Variants in EAPP observed in about 807,000 individuals in gnomAD.
EAPP encodes the protein E2F associated phosphoprotein, also known as E2F-associated phosphoprotein.
Under a neutral mutation model 34.3 loss-of-function variants are expected in EAPP, and 38 were observed. The ratio of observed to expected loss-of-function variants is 1.11; its 90% confidence interval spans 0.85 to 1.45. The LOEUF (loss-of-function observed/expected upper bound fraction) is 1.45. Ranked by LOEUF, EAPP falls within the 40% of genes most tolerant of loss-of-function variation. The pLI is 0.00. For synonymous variants in EAPP, 113 were observed against 117.6 expected, an observed-to-expected ratio of 0.96 and a Z score of 0.25; for missense variants, 338 against 343.7, an observed-to-expected ratio of 0.98 and a Z score of 0.13.
chr14:34,525,839 G>A (rs922888172), intron 4 of EAPP, among the ~76,000 whole-genome samples: 20 of 151,752 alleles, frequency 1.3e-4, no homozygotes, highest in Non-Finnish European at 2.8e-4. Context: ...CCAACATGGT[G>A]AAACCCCATC....
chr14:34,520,905 T>C (rs1879896158), intron 5 of EAPP, among the ~76,000 whole-genome samples: 1 of 152,116 alleles, frequency 6.6e-6, no homozygotes, highest in Non-Finnish European at 1.5e-5. Flanking sequence ...ATTTGCTTCA[T>C]TTATCTTGCT....
intron 5 of EAPP, among the ~76,000 whole-genome samples, chr14:34,522,257 T>A (rs775419443): frequency 6.7e-6 from 1 of 148,808 alleles, no homozygotes; most frequent in Non-Finnish European, 1.5e-5. Flanking sequence ...ACTGTGCCCA[T>A]AATTTTTTTA....
At chr14:34,536,869 G>A (rs995897726) in intron 1 of EAPP, among the ~76,000 whole-genome samples, 5 of 151,586 alleles carry the variant, frequency 3.3e-5, no homozygotes, top group African/African-American at 9.7e-5. Context: ...TTCAGAATCC[G>A]TCTCAAAAAA....
At position 34,532,221 on chromosome 14, in the gene EAPP, G is replaced by A. The variant is rs550166292; in HGVS notation, c.352+1223C>T. Among the ~76,000 whole-genome samples the A allele has an allele frequency of 1.1e-3, 173 of 151,956 alleles. 1 individual carries two copies. The highest frequency in any genetic ancestry group is 4.0e-3 in the African/African-American group (166 of 41,464). ...ACCAGTAATCCCGGCACTTTGGGAG[G>A]CTGAGGCGGGTGGATCACCTGAGGT... On this transcript the variant is annotated intron_variant, in intron 3 of 5. Coordinates refer to ENST00000250454, the MANE Select transcript of EAPP (RefSeq NM_018453.4).
In EAPP at chr14:34,518,325, ATTTTT is replaced by A. The variant is rs71404852; in HGVS notation, c.582-1744_582-1740del. On this transcript the variant is annotated intron_variant, in intron 5 of 5. Transcript: ENST00000250454. Reference sequence around the variant, plus strand: ...TACTGTATTGTATCTCTCCCTTTAGATTTTTTTTTTTTTTTTTTTTTTTTTTTGAG... The same window carrying A: ...TACTGTATTGTATCTCTCCCTTTAGATTTTTTTTTTTTTTTTTTTTTTGAG... 4.9e-3 allele frequency among the ~76,000 whole-genome samples: 364 copies of A among 74,046 alleles called. 1 individual carries two copies. The highest frequency in any genetic ancestry group is 5.9e-3 in the Non-Finnish European group (266 of 45,328). 48.6% of individuals were successfully genotyped at this position (74,046 alleles called of 152,430 possible).
In EAPP at chr14:34,521,703, C is replaced by T. The variant is rs373315931; in HGVS notation, c.581+2994G>A. ...AGGCTGGAATGCAGTGGCATGATCTCGGCTCACTGCAACCTCTGCCTCCTG... is the reference window on the plus strand; with the variant it reads ...AGGCTGGAATGCAGTGGCATGATCTTGGCTCACTGCAACCTCTGCCTCCTG... On this transcript the variant is annotated intron_variant, in intron 5 of 5. Coordinates refer to ENST00000250454, the MANE Select transcript of EAPP (RefSeq NM_018453.4). Among the ~76,000 whole-genome samples, 44 of 147,190 alleles carry T rather than the reference C, an allele frequency of 3.0e-4. No homozygotes were observed. In the Middle Eastern group the frequency reaches 0.011, roughly 37 times the overall value.
At chr14:34,519,670 C>T (rs1224561157) in intron 5 of EAPP, among the ~76,000 whole-genome samples, 1 of 152,050 alleles carries the variant, frequency 6.6e-6, no homozygotes, top group Non-Finnish European at 1.5e-5. Flanking sequence ...CAAGAGCAGA[C>T]TAATACAACT....
chr14:34,538,729 G>C (rs1419432716), intron 1 of EAPP, among the ~76,000 whole-genome samples: 14 of 152,192 alleles, frequency 9.2e-5, no homozygotes, highest in Admixed American at 9.2e-4. Flanking sequence ...AGTTGTTAAT[G>C]AAAGCATGGC....
intron 5 of EAPP, among the ~76,000 whole-genome samples, chr14:34,519,017 C>T (rs1879827600): frequency 1.3e-5 from 2 of 152,208 alleles, no homozygotes; most frequent in Admixed American, 1.3e-4. Flanking sequence ...GGGTCTGTGT[C>T]CCTGCCCCAA....
chr14:34,531,303 T>C (rs533431618), intron 3 of EAPP, among the ~76,000 whole-genome samples: 3 of 151,084 alleles, frequency 2.0e-5, no homozygotes, highest in South Asian at 4.2e-4. Flanking sequence ...GGACTCTGCC[T>C]AAAAAATAAA....
intron 3 of EAPP, among the ~76,000 whole-genome samples, chr14:34,532,471 A>G (rs1880328559): frequency 6.6e-6 from 1 of 152,126 alleles, no homozygotes. Flanking sequence ...TCAAAAAAAA[A>G]AAAATTCTGC....
At chr14:34,521,575 T>C (rs1458315618) in intron 5 of EAPP, among the ~76,000 whole-genome samples, 4 of 152,110 alleles carry the variant, frequency 2.6e-5, no homozygotes, top group South Asian at 2.1e-4. Context: ...CCTTCTGCTG[T>C]TGAGAGCCTC....
intron 4 of EAPP, among the ~76,000 whole-genome samples, chr14:34,526,756 C>G (rs764455579): frequency 4.6e-5 from 7 of 151,532 alleles, no homozygotes; most frequent in African/African-American, 1.5e-4. Context: ...AAAAAACAAG[C>G]ATGGACTCAG....
intron 5 of EAPP, among the ~76,000 whole-genome samples, chr14:34,518,238 A>G (rs969552276): frequency 6.7e-6 from 1 of 149,164 alleles, no homozygotes; most frequent in Non-Finnish European, 1.5e-5. Flanking sequence ...TATCTGGATG[A>G]TCTGTCCATT....
chr14:34,522,256 A>C (rs1879942710), intron 5 of EAPP, among the ~76,000 whole-genome samples: 1 of 150,148 alleles, frequency 6.7e-6, no homozygotes, highest in African/African-American at 2.5e-5. Flanking sequence ...CACTGTGCCC[A>C]TAATTTTTTT....
chr14:34,539,512 C>G, intron 1 of EAPP, 43 bp downstream of exon 1: 1 of 1,596,534 alleles, frequency 6.3e-7, no homozygotes, highest in South Asian at 1.1e-5. Flanking sequence ...AAAGCCAGGC[C>G]TCGACCCAAA....
At position 34,516,301 on chromosome 14, in the gene EAPP, T is replaced by C; in HGVS notation, c.*9A>G. The C allele has an allele frequency of 1.2e-6, 2 of 1,603,122 alleles. No individual in the cohort carries two copies. Among genetic ancestry groups the C allele is most frequent in the South Asian group, 1.1e-5 (1 of 89,418 alleles). On this transcript the variant is annotated 3_prime_UTR_variant, in exon 6 of 6. Transcript: ENST00000250454. ...ACAGTATTGGGTAATTAAATGCCAG[T>C]TGGGCTGTTTAGGAATGGCTTGCTA...
At chr14:34,538,127 T>C (rs998565917) in intron 1 of EAPP, among the ~76,000 whole-genome samples, 1 of 152,124 alleles carries the variant, frequency 6.6e-6, no homozygotes, top group African/African-American at 2.4e-5. Flanking sequence ...CCTGTAATCC[T>C]AGCACTTTGG....
chr14:34,536,649 TTTTG>T (rs1434271508), intron 1 of EAPP, among the ~76,000 whole-genome samples: 1 of 151,946 alleles, frequency 6.6e-6, no homozygotes, highest in Non-Finnish European at 1.5e-5. Flanking sequence ...TTTTGTTTTG[TTTTG>T]TTTAATTTTT....
Sources: allele counts gnomAD v4.1 joint callset (sites outside exome capture counted in the v4.1 genomes callset), GRCh38; gene constraint gnomAD v4.1.1; transcripts MANE v1.5; gene names NCBI Gene and HGNC (gene_info 2026-07-23, HGNC 2026-07-21).